The following TLCD3A variants were observed in gnomAD, a reference collection of about 807,000 sequenced individuals.
TLCD3A encodes TLC domain-containing protein 3A.
A neutral mutation model predicts 29.9 loss-of-function variants in TLCD3A; 17 were observed. The ratio of observed to expected loss-of-function variants is 0.57; its 90% CI spans 0.39 to 0.85. The LOEUF (loss-of-function observed/expected upper bound fraction) is 0.85, where lower values mean the gene tolerates loss of function less well. Among genes scored for constraint, TLCD3A ranks in the 40% least tolerant of loss-of-function variants. TLCD3A has a pLI of 0.00. For missense variants in TLCD3A, 332 were observed against 350.8 expected (o/e 0.95, Z 0.43); for synonymous variants, 143 against 147.7 (o/e 0.97, Z 0.23).
chr17:733,604 GC>G (rs1974111192), intron 2 of TLCD3A, among the ~76,000 whole-genome samples: 1 of 152,162 alleles, frequency 6.6e-6, no homozygotes, highest in African/African-American at 2.4e-5. Flanking sequence ...CGCCGCTCTT[GC>G]TTTTCCTGCA....
chr17:732,877 C>G, intron 1 of TLCD3A, 108 bp downstream of exon 1: 10 of 1,376,126 alleles, frequency 7.3e-6, no homozygotes, highest in Non-Finnish European at 9.3e-6. Flanking sequence ...AGCCCGGGGG[C>G]TGCTCCCTCC....
intron 3 of TLCD3A, among the ~76,000 whole-genome samples, chr17:739,264 C>T (rs1974212285): frequency 6.6e-6 from 1 of 152,074 alleles, no homozygotes; most frequent in African/African-American, 2.4e-5. Flanking sequence ...CAATGGCTCA[C>T]TGCAACCTCT....
intron 3 of TLCD3A, among the ~76,000 whole-genome samples, chr17:739,089 A>G (rs574892591): frequency 1.9e-4 from 29 of 152,266 alleles, no homozygotes; most frequent in Non-Finnish European, 3.7e-4. Flanking sequence ...ATTTCCCCAT[A>G]AAAGCCCACC....
intron 3 of TLCD3A, among the ~76,000 whole-genome samples, chr17:740,072 T>C (rs7207588): frequency 0.061 from 9,350 of 152,128 alleles, 925 homozygotes; most frequent in African/African-American, 0.21. Flanking sequence ...AATAAATAAA[T>C]AAGGGTAACG....
rs1350620424 is a variant in TLCD3A, at chr17:741,527, C to G, written c.731C>G (p.Ala244Gly). ...TGGTTCTGTCTGCTGTGCAGGAAGG[C>G]AGTCCGGCTCTTTGACACTCCCCAA... Reference protein sequence around the residue: ...IYWFCLLCRKAVRLFDTPQAK... With the variant: ...IYWFCLLCRKGVRLFDTPQAK... Residue 244 changes from alanine to glycine, a missense_variant, in exon 5 of 5, where the codon GCA becomes GGA. Physicochemically the swap from Ala to Gly is moderately conservative, Grantham distance 60 (BLOSUM62 0). Coordinates refer to ENST00000308278, the MANE Select transcript of TLCD3A (RefSeq NM_024792.3). The G allele has an allele frequency of 1.2e-6, 2 of 1,613,918 alleles. No individual in the cohort carries two copies. Among genetic ancestry groups the G allele is most frequent in the African/African-American group, 2.7e-5 (2 of 74,926 alleles).
intron 1 of TLCD3A, 48 bp downstream of exon 1, chr17:732,817 C>T (rs1974090439): frequency 2.9e-6 from 4 of 1,403,260 alleles, no homozygotes; most frequent in Middle Eastern, 5.0e-4. Flanking sequence ...CGCTGCCCAC[C>T]GCACCCCACC....
intron 3 of TLCD3A, 28 bp downstream of exon 3, chr17:738,075 CAGCTGGGTTG>C: frequency 2.1e-6 from 2 of 937,502 alleles, no homozygotes; most frequent in Non-Finnish European, 3.3e-6. Flanking sequence ...AGCAGACCAG[CAGCTGGGTTG>C]AGCTGGGTGT....
chr17:737,900 C>T lies in TLCD3A; in HGVS notation c.261C>T (p.Asp87=). 1 of 1,614,118 alleles carries T rather than the reference C, an allele frequency of 6.2e-7. No homozygotes were observed. Among genetic ancestry groups the T allele is most frequent in the East Asian group, 2.2e-5 (1 of 44,874 alleles). Reference sequence around the variant, plus strand: ...TTCTGATTCCATACATGATCTATGACTCGTACGCCATGTACCTCTGTGAAT... The same window carrying T: ...TTCTGATTCCATACATGATCTATGATTCGTACGCCATGTACCTCTGTGAAT... ...VWFLIPYMIY[D]SYAMYLCEWC... is the part of the protein sequence containing the mutation. Residue 87 remains aspartate (D), a synonymous_variant, in exon 3 of 5, where the codon GAC becomes GAT. Coordinates refer to ENST00000308278, the MANE Select transcript of TLCD3A (RefSeq NM_024792.3).
chr17:737,064 T>C lies in TLCD3A; in HGVS notation c.207-782T>C, dbSNP rs549797271. ...TCTCACTCTGTCGCCCAGGCTGGAG[T>C]GCAGTGGCGCAATATCGGCTCACTG... On this transcript the variant is annotated intron_variant, in intron 2 of 4. Transcript: ENST00000308278. Among the ~76,000 whole-genome samples the C allele has an allele frequency of 9.9e-5, 15 of 151,428 alleles. No homozygotes were observed. In the East Asian group the frequency reaches 2.3e-3, roughly 24 times the overall value.
rs1024466162 is a variant in TLCD3A at position 741,648 on chromosome 17, G to A, written c.*78G>A. ...ATTCCATGGACCAAATTGTGCCCTGGGTAGCCTCAGACTTTGGGTATTGAT... is the reference window on the plus strand; with the variant it reads ...ATTCCATGGACCAAATTGTGCCCTGAGTAGCCTCAGACTTTGGGTATTGAT... On this transcript the variant is annotated 3_prime_UTR_variant, in exon 5 of 5. Coordinates refer to ENST00000308278, the MANE Select transcript of TLCD3A (RefSeq NM_024792.3). 24 of 1,535,490 alleles carry A rather than the reference G, an allele frequency of 1.6e-5. No individual in the cohort carries two copies. Among genetic ancestry groups the A allele is most frequent in the Non-Finnish European group, 2.0e-5 (23 of 1,135,472 alleles).
In TLCD3A at chr17:741,834, G is replaced by T; in HGVS notation, c.*264G>T. 2.0e-6 allele frequency: 1 copy of T among 499,504 alleles called. No individual in the cohort carries two copies. The highest frequency in any genetic ancestry group is 2.1e-5 in the South Asian group (1 of 46,848). The allele number at this position is 499,504 out of a possible 1,614,324, so 30.9% of individuals were successfully genotyped here. On this transcript the variant is annotated 3_prime_UTR_variant, in exon 5 of 5. Coordinates refer to ENST00000308278, the MANE Select transcript of TLCD3A (RefSeq NM_024792.3). ...ATGCAAGCCCAAGGATCCTTCTTAA[G>T]GTCTTATCTCAAGAGCTCTGGGAGG...
intron 2 of TLCD3A, among the ~76,000 whole-genome samples, chr17:734,283 T>C (rs541970247): frequency 2.0e-5 from 3 of 151,548 alleles, no homozygotes; most frequent in Non-Finnish European, 4.4e-5. Context: ...CCTCACAAAG[T>C]GCTGGGATTA....
At position 741,409 on chromosome 17, in the gene TLCD3A, C is replaced by G. The variant is rs149170803; in HGVS notation, c.613C>G (p.Arg205Gly). The stretch of plus-strand genomic sequence containing the variant: ...CCCCTTCATGTACTGGTCCTATGGC[C>G]GCCAGCAGGGACTAAGCCTGCTCCA... The part of the protein sequence containing the change: ...LFPFMYWSYG[R>G]QQGLSLLQVP... Residue 205 changes from arginine (R) to glycine (G), a missense_variant, in exon 5 of 5, where the codon CGC becomes GGC. Physicochemically the swap from Arg to Gly is moderately radical, Grantham distance 125 (BLOSUM62 -2). Transcript: ENST00000308278. 1.2e-5 allele frequency: 19 copies of G among 1,614,078 alleles called. No individual in the cohort carries two copies. Among genetic ancestry groups the G allele is most frequent in the Admixed American group, 1.7e-5 (1 of 60,004 alleles).
Position 739,056 on chromosome 17 carries a change from C to A in TLCD3A, c.408+1009C>A, listed in dbSNP as rs191172810. ...AAACACAGATTCTCAAAGCAAATAG[C>A]CTCCTACTTTCTCCCCAGATCCATT... On this transcript the variant is annotated intron_variant, in intron 3 of 4. Transcript: ENST00000308278. 2.7e-3 allele frequency among the ~76,000 whole-genome samples: 411 copies of A among 152,250 alleles called. 2 individuals are homozygous for A. Among genetic ancestry groups the A allele is most frequent in the African/African-American group, 9.2e-3 (384 of 41,538 alleles).
chr17:740,984 C>T (rs537988405), intron 4 of TLCD3A, among the ~76,000 whole-genome samples: 1 of 152,350 alleles, frequency 6.6e-6, no homozygotes, highest in South Asian at 2.1e-4. Flanking sequence ...ACAGCTCATT[C>T]TATTTTTTCC....
rs969935854 is a variant in TLCD3A at position 742,763 on chromosome 17, T to C, written c.*1193T>C. On this transcript the variant is annotated 3_prime_UTR_variant, in exon 5 of 5. Coordinates refer to ENST00000308278, the MANE Select transcript of TLCD3A (RefSeq NM_024792.3). ...GACTGTGCTACCATGTGTTCTCAAG[T>C]GGTAGTTTAAAAAGTGGATTTTTAA... 1 of 152,668 alleles carries C rather than the reference T, an allele frequency of 6.6e-6. No homozygotes were observed. Among genetic ancestry groups the C allele is most frequent in the Non-Finnish European group, 1.5e-5 (1 of 68,036 alleles). 9.5% of individuals were successfully genotyped at this position (152,668 alleles called of 1,614,324 possible).
chr17:742,805 CTG>C lies in TLCD3A; in HGVS notation c.*1238_*1239del, dbSNP rs893058917. 6.6e-6 allele frequency: 1 copy of C among 152,600 alleles called. No individual in the cohort carries two copies. Among genetic ancestry groups the C allele is most frequent in the African/African-American group, 2.4e-5 (1 of 41,450 alleles). The allele number at this position is 152,600 out of a possible 1,614,324, so 9.5% of individuals were successfully genotyped here. On this transcript the variant is annotated 3_prime_UTR_variant, in exon 5 of 5. Transcript: ENST00000308278. ...GATTTTTAAAGTGCCTTTCAATTGT[CTG>C]TGAACGTCTAAAGGACTGATTTGTC...
At chr17:736,455 T>A (rs1486555284) in intron 2 of TLCD3A, among the ~76,000 whole-genome samples, 1 of 152,222 alleles carries the variant, frequency 6.6e-6, no homozygotes, top group Non-Finnish European at 1.5e-5. Context: ...GGAACCACAT[T>A]GTATGAATTG....
Position 733,031 on chromosome 17 carries a change from C to T in TLCD3A, c.123-67C>T, listed in dbSNP as rs901076982. On this transcript the variant is annotated intron_variant, in intron 1 of 4. Coordinates refer to ENST00000308278, the MANE Select transcript of TLCD3A (RefSeq NM_024792.3). ...GCTGGGGAGAGTCAGGCCGAAGGGCCGGGCCGGGCTCCCTGCGGTCCTCGG... is the reference window on the plus strand; with the variant it reads ...GCTGGGGAGAGTCAGGCCGAAGGGCTGGGCCGGGCTCCCTGCGGTCCTCGG... The T allele has an allele frequency of 9.2e-6, 14 of 1,520,208 alleles. No homozygotes were observed. In the Admixed American group the frequency reaches 9.8e-5, roughly 11 times the overall value. The allele number at this position is 1,520,208 out of a possible 1,614,324, so 94.2% of individuals were successfully genotyped here. A position where few individuals can be genotyped will look rare whatever the true frequency, so the allele number is the denominator to read the frequency against.
Sources: gnomAD v4.1 joint callset for allele counts (sites outside exome capture counted in the v4.1 genomes callset) on GRCh38, gnomAD v4.1.1 for gene constraint, MANE v1.5 for transcripts, NCBI Gene and HGNC (gene_info 2026-07-23, HGNC 2026-07-21) for gene names.